The following EXOC4 variants were observed in gnomAD, a reference collection of about 807,000 sequenced individuals.
EXOC4 encodes SEC8-like 1.
A neutral mutation model predicts 107.2 loss-of-function variants in EXOC4; 71 were observed. The ratio of observed to expected loss-of-function variants is 0.66; its 90% CI spans 0.55 to 0.81. The LOEUF is 0.81. EXOC4 is among the 30% of genes least tolerant of loss of function. EXOC4 has a pLI of 0.00. For missense variants in EXOC4, 1,108 were observed against 1,189.6 expected (o/e 0.93, Z 1.01); for synonymous variants, 456 against 441.2 (o/e 1.03, Z -0.42).
In EXOC4 at chr7:133,317,329, C is replaced by T. The variant is rs778373465; in HGVS notation, c.702C>T (p.Asn234=). 12 of 1,613,808 alleles carry T rather than the reference C, an allele frequency of 7.4e-6. No homozygotes were observed. Among genetic ancestry groups the T allele is most frequent in the Middle Eastern group, 3.3e-4 (2 of 6,062 alleles). The change falls in exon 5 of 18, where the codon AAC becomes AAT. Residue 234 remains asparagine (N), a synonymous_variant. Transcript: ENST00000253861. The part of the protein sequence containing the change: ...DASVPLIDVT[N]LPTPRKFLDT... ...CTGTTCCTCTGATTGATGTTACAAA[C>T]CTCCCTACTCCTCGAAAATTCCTTG...
intron 9 of EXOC4, among the ~76,000 whole-genome samples, chr7:133,499,146 A>C (rs546896746): frequency 1.3e-5 from 2 of 150,370 alleles, no homozygotes; most frequent in South Asian, 4.2e-4. Flanking sequence ...GACCAGGTCA[A>C]CTTCCTTCTT....
At chr7:133,343,089 A>G (rs1368336554) in intron 5 of EXOC4, among the ~76,000 whole-genome samples, 1 of 152,134 alleles carries the variant, frequency 6.6e-6, no homozygotes, top group African/African-American at 2.4e-5. Context: ...GGGGTGTTAC[A>G]GAACCTTGTT....
At position 133,402,925 on chromosome 7, in the gene EXOC4, G is replaced by A. The variant is rs141743610; in HGVS notation, c.1182+27923G>A. Among the ~76,000 whole-genome samples, 40 of 133,378 alleles carry A rather than the reference G, an allele frequency of 3.0e-4. 1 individual carries two copies. The highest frequency in any genetic ancestry group is 2.3e-3 in the Admixed American group (28 of 12,044). The allele number at this position is 133,378 out of a possible 152,430, so 87.5% of individuals were successfully genotyped here. A position where few individuals can be genotyped will look rare whatever the true frequency, so the allele number is the denominator to read the frequency against. On this transcript the variant is annotated intron_variant, in intron 7 of 17. Coordinates refer to ENST00000253861, the MANE Select transcript of EXOC4 (RefSeq NM_021807.4). ...TTTTGAGACGGAGTCTCACTCTGTC[G>A]CCAGGCTAGAGAGCAGTGGAACGAT... is the stretch of plus-strand genomic sequence containing the variant.
At chr7:133,776,159 A>C (rs1297867043) in intron 10 of EXOC4, among the ~76,000 whole-genome samples, 1 of 152,178 alleles carries the variant, frequency 6.6e-6, no homozygotes, top group Non-Finnish European at 1.5e-5. Flanking sequence ...CAACTTAAAG[A>C]TACTGAGTTT....
intron 10 of EXOC4, among the ~76,000 whole-genome samples, chr7:133,716,052 T>C (rs1794991859): frequency 6.6e-6 from 1 of 152,248 alleles, no homozygotes; most frequent in Non-Finnish European, 1.5e-5. Flanking sequence ...AGAAATTCTT[T>C]TCCTGCTTCT....
Position 133,514,494 on chromosome 7 carries a change from T to G in EXOC4, c.1417+34356T>G, listed in dbSNP as rs971516540. Among the ~76,000 whole-genome samples the G allele has an allele frequency of 3.3e-5, 5 of 152,130 alleles. 1 individual carries two copies. The South Asian group carries it at 8.3e-4, about 25-fold the overall frequency. On this transcript the variant is annotated intron_variant, in intron 9 of 17. Transcript: ENST00000253861. ...TCTTTATACTTAAAACAAGTAACTT[T>G]CTTTTTCTCCATGTAATTTCTGATA...
rs1585056740 is a variant in EXOC4, at chr7:133,654,133, G to C, written c.1514+23992G>C. Among the ~76,000 whole-genome samples the C allele has an allele frequency of 3.9e-5, 6 of 152,246 alleles. No individual in the cohort carries two copies. The South Asian group carries it at 1.2e-3, about 32-fold the overall frequency. ...TCTGTCATTACAGCACCGGTTCTAT[G>C]CATGTGTGAATAAGGGCTTATCCAA... On this transcript the variant is annotated intron_variant, in intron 10 of 17. Transcript: ENST00000253861.
At chr7:133,594,399 A>G (rs376801257) in intron 9 of EXOC4, among the ~76,000 whole-genome samples, 3 of 151,682 alleles carry the variant, frequency 2.0e-5, no homozygotes, top group East Asian at 3.9e-4. Context: ...GGCAAGGGGT[A>G]TAGGCCCTGA....
In EXOC4 at chr7:133,587,175, A is replaced by C. The variant is rs550978136; in HGVS notation, c.1418-42870A>C. Among the ~76,000 whole-genome samples, 25 of 152,216 alleles carry C rather than the reference A, an allele frequency of 1.6e-4. No individual in the cohort carries two copies. In the South Asian group the frequency reaches 4.8e-3, roughly 29 times the overall value. ...TGCAGTAGAAGTGTAGTGACAAGGA[A>C]TTGGTAAGGTATCAAAATAGAACAG... On this transcript the variant is annotated intron_variant, in intron 9 of 17. Transcript: ENST00000253861.
At chr7:133,566,977 G>C (rs1800918805) in intron 9 of EXOC4, among the ~76,000 whole-genome samples, 1 of 152,134 alleles carries the variant, frequency 6.6e-6, no homozygotes, top group Non-Finnish European at 1.5e-5. Context: ...TGTTTTAGAT[G>C]TCTGATGTAA....
intron 10 of EXOC4, among the ~76,000 whole-genome samples, chr7:133,638,901 A>AT (rs1168653519): frequency 6.6e-6 from 1 of 152,116 alleles, no homozygotes; most frequent in Admixed American, 6.6e-5. Context: ...GATTAACCTT[A>AT]TTAGCAGCTT....
chr7:133,637,360 G>A lies in EXOC4; in HGVS notation c.1514+7219G>A, dbSNP rs150207732. On this transcript the variant is annotated intron_variant, in intron 10 of 17. Transcript: ENST00000253861. ...AATATTTTTATCTTTGAAAAATGCAGTGACATTGTTCTACCCATGTCAGTT... is the reference window on the plus strand; with the variant it reads ...AATATTTTTATCTTTGAAAAATGCAATGACATTGTTCTACCCATGTCAGTT... Among the ~76,000 whole-genome samples, 238 of 152,238 alleles carry A rather than the reference G, an allele frequency of 1.6e-3. 3 individuals are homozygous for A. In the Middle Eastern group the frequency reaches 0.027, roughly 17 times the overall value.
intron 9 of EXOC4, among the ~76,000 whole-genome samples, chr7:133,550,537 T>G (rs1335799620): frequency 1.3e-5 from 2 of 152,222 alleles, no homozygotes; most frequent in Non-Finnish European, 2.9e-5. Flanking sequence ...ATCTAGCTTT[T>G]GCTCAAAAGT....
chr7:133,482,095 G>A (rs561887288), intron 9 of EXOC4, among the ~76,000 whole-genome samples: 1 of 152,204 alleles, frequency 6.6e-6, no homozygotes, highest in South Asian at 2.1e-4. Context: ...CTCTACACCT[G>A]TCTTCTAATA....
At chr7:133,348,430 T>C (rs1316243571) in intron 5 of EXOC4, among the ~76,000 whole-genome samples, 1 of 152,210 alleles carries the variant, frequency 6.6e-6, no homozygotes, top group East Asian at 1.9e-4. Context: ...TGGCTACATG[T>C]GACATAATCT....
At chr7:133,303,388 T>C (rs952220658) in intron 3 of EXOC4, among the ~76,000 whole-genome samples, 2 of 152,182 alleles carry the variant, frequency 1.3e-5, no homozygotes, top group Non-Finnish European at 2.9e-5. Flanking sequence ...GAGCCATGAT[T>C]GTGCCATTGC....
chr7:133,455,256 T>G (rs1455458337), intron 7 of EXOC4, among the ~76,000 whole-genome samples: 1 of 152,136 alleles, frequency 6.6e-6, no homozygotes, highest in Non-Finnish European at 1.5e-5. Flanking sequence ...AGTACAAGAT[T>G]TCATCACATT....
At chr7:133,962,831 G>T (rs1203497804) in intron 14 of EXOC4, among the ~76,000 whole-genome samples, 1 of 152,214 alleles carries the variant, frequency 6.6e-6, no homozygotes, top group Non-Finnish European at 1.5e-5. Context: ...ACAGATGGGT[G>T]TCATTTAATT....
At chr7:133,574,926 G>A (rs1563113113) in intron 9 of EXOC4, among the ~76,000 whole-genome samples, 1 of 152,148 alleles carries the variant, frequency 6.6e-6, no homozygotes, top group Non-Finnish European at 1.5e-5. Context: ...ATGGGATATT[G>A]TAATACAAAT....
Sources: gnomAD v4.1 joint callset for allele counts (sites outside exome capture counted in the v4.1 genomes callset) on GRCh38, gnomAD v4.1.1 for gene constraint, MANE v1.5 for transcripts, NCBI Gene and HGNC (gene_info 2026-07-23, HGNC 2026-07-21) for gene names.